Variants in LMTK2 observed in about 807,000 individuals in gnomAD.
LMTK2 encodes lemur tail kinase 2, also known as serine/threonine-protein kinase LMTK2.
A neutral mutation model predicts 127.5 loss-of-function variants in LMTK2; 37 were observed. The observed-to-expected ratio is 0.29, with a 90% confidence interval of 0.22 to 0.38. LMTK2 has a LOEUF of 0.38. Ranked by LOEUF, LMTK2 falls within the 10% of genes least tolerant of loss-of-function variation. LMTK2 has a pLI of 1.00. For missense variants in LMTK2, 1,694 were observed against 1,920.3 expected (o/e 0.88, Z 2.20); for synonymous variants, 819 against 810.1 (o/e 1.01, Z -0.19).
chr7:98,169,579 A>G (rs995365563), intron 6 of LMTK2, among the ~76,000 whole-genome samples: 1 of 152,230 alleles, frequency 6.6e-6, no homozygotes, highest in Non-Finnish European at 1.5e-5. Context: ...GGGGTTAGGC[A>G]GAAGAATTTC....
In LMTK2 at chr7:98,192,644, C is replaced by G. The variant is rs1224797102; in HGVS notation, c.2179C>G (p.Gln727Glu). 6.2e-7 allele frequency: 1 copy of G among 1,611,098 alleles called. No individual in the cohort carries two copies. Residue 727 changes from glutamine (Q) to glutamate (E), a missense_variant, in exon 11 of 14, where the codon CAA (glutamine) becomes GAA (glutamate). Physicochemically the swap from Gln to Glu is conservative, Grantham distance 29. Transcript: ENST00000297293. Reference sequence around the variant, plus strand: ...ATTGTCAGAAAACTTTTTATTTCTTCAAGAGAAAAACTTACTAAAAGGCTC... The same window carrying G: ...ATTGTCAGAAAACTTTTTATTTCTTGAAGAGAAAAACTTACTAAAAGGCTC... ...QELSENFLFL[Q>E]EKNLLKGSLS...
At chr7:98,122,821 A>G (rs796452957) in intron 1 of LMTK2, among the ~76,000 whole-genome samples, 12 of 151,886 alleles carry the variant, frequency 7.9e-5, no homozygotes, top group African/African-American at 2.9e-4. Flanking sequence ...CCTGGCCTGC[A>G]TAACACTTTT....
chr7:98,156,625 AAGTTATATATTAGCATT>A (rs1014765033), intron 5 of LMTK2, among the ~76,000 whole-genome samples: 7 of 152,252 alleles, frequency 4.6e-5, no homozygotes, highest in East Asian at 3.8e-4. Context: ...AACATACGTT[AAGTTATATATTAGCATT>A]AGTTATATAT....
intron 1 of LMTK2, among the ~76,000 whole-genome samples, chr7:98,130,889 G>A (rs952971203): frequency 2.0e-5 from 3 of 152,198 alleles, no homozygotes; most frequent in East Asian, 3.8e-4. Flanking sequence ...GCCCTAGCAC[G>A]TTAATGGCCA....
rs73710384 is a variant in LMTK2 at position 98,180,947 on chromosome 7, G to C, written c.792-4104G>C. Among the ~76,000 whole-genome samples the C allele has an allele frequency of 3.4e-3, 525 of 152,266 alleles. 7 individuals are homozygous for C. The highest frequency in any genetic ancestry group is 0.012 in the African/African-American group (502 of 41,554). Reference sequence around the variant, plus strand: ...AGCGCCCGGCAGACTGAGGGAGAGAGAGAGAGAAAGAGGAGGGGAGGAGGA... The same window carrying C: ...AGCGCCCGGCAGACTGAGGGAGAGACAGAGAGAAAGAGGAGGGGAGGAGGA... On this transcript the variant is annotated intron_variant, in intron 7 of 13. Coordinates refer to ENST00000297293, the MANE Select transcript of LMTK2 (RefSeq NM_014916.4).
Position 98,205,535 on chromosome 7 carries a change from G to A in LMTK2, c.*43G>A. ...CGCTCGGGTCCGAGGCTGCTCCCCT[G>A]GAGCGGCGCCCCTGCGCCCTCAGCC... On this transcript the variant is annotated 3_prime_UTR_variant, in exon 14 of 14. Transcript: ENST00000297293. 1 of 1,607,110 alleles carries A rather than the reference G, an allele frequency of 6.2e-7. No homozygotes were observed. The highest frequency in any genetic ancestry group is 8.5e-7 in the Non-Finnish European group (1 of 1,177,886).
chr7:98,107,324 G>T (rs1796124408), intron 1 of LMTK2, 44 bp downstream of exon 1: 3 of 1,241,876 alleles, frequency 2.4e-6, no homozygotes, highest in East Asian at 6.4e-5. Context: ...GGTCTTCGGC[G>T]TGGAGGGGAG....
chr7:98,195,916 G>A (rs1797616298), intron 11 of LMTK2, among the ~76,000 whole-genome samples: 1 of 152,204 alleles, frequency 6.6e-6, no homozygotes, highest in Admixed American at 6.5e-5. Context: ...AAGGCCAGGC[G>A]CGGTGGCTTA....
Position 98,107,222 on chromosome 7 carries a change from GC to G in LMTK2, c.46del (p.Leu16TrpfsTer4). ...TGCGGCGGAGGCTGCTGCTGCTGCTGCTGGTCCTCCTGATCGCCGGCAGTGC... is the reference window on the plus strand; with the variant it reads ...TGCGGCGGAGGCTGCTGCTGCTGCTGTGGTCCTCCTGATCGCCGGCAGTGC... ...ALRRRLLLLL[L>X]VLLIAGSAGA... On this transcript the variant is annotated frameshift_variant, in exon 1 of 14. Coordinates refer to ENST00000297293, the MANE Select transcript of LMTK2 (RefSeq NM_014916.4). LOFTEE classifies it high-confidence loss of function. 2.7e-6 allele frequency: 4 copies of G among 1,464,662 alleles called. No individual in the cohort carries two copies. Among genetic ancestry groups the G allele is most frequent in the Admixed American group, 2.5e-5 (1 of 40,186 alleles). The allele number at this position is 1,464,662 out of a possible 1,614,324, so 90.7% of individuals were successfully genotyped here. A position where few individuals can be genotyped will look rare whatever the true frequency, so the allele number is the denominator to read the frequency against.
intron 1 of LMTK2, among the ~76,000 whole-genome samples, chr7:98,128,870 T>A (rs528847258): frequency 6.6e-6 from 1 of 152,152 alleles, no homozygotes; most frequent in Non-Finnish European, 1.5e-5. Flanking sequence ...TTTGAGATAA[T>A]GTATTTCTTA....
chr7:98,186,001 G>A lies in LMTK2; in HGVS notation c.876+866G>A, dbSNP rs576183528. Among the ~76,000 whole-genome samples, 5 of 151,878 alleles carry A rather than the reference G, an allele frequency of 3.3e-5. No individual in the cohort carries two copies. In the South Asian group the frequency reaches 1.0e-3, roughly 32 times the overall value. On this transcript the variant is annotated intron_variant, in intron 8 of 13. Coordinates refer to ENST00000297293, the MANE Select transcript of LMTK2 (RefSeq NM_014916.4). The stretch of plus-strand genomic sequence containing the variant: ...GTTATTTGTCTACATAGTAGCTCTA[G>A]TGTCTCGAGCACTTGCTAGATGTCA...
rs1298762621 is a variant in LMTK2 at position 98,107,070 on chromosome 7, G to A, written c.-108G>A. 3 of 820,972 alleles carry A rather than the reference G, an allele frequency of 3.7e-6. No individual in the cohort carries two copies. The highest frequency in any genetic ancestry group is 1.8e-5 in the African/African-American group (1 of 55,288). The allele number at this position is 820,972 out of a possible 1,614,324, so 50.9% of individuals were successfully genotyped here. On this transcript the variant is annotated 5_prime_UTR_variant, in exon 1 of 14. Transcript: ENST00000297293. ...CAACGTGTGCTCGGGAGCAACCGGC[G>A]CGGGTGCCACTGAGGCAGCGGAGGG...
In LMTK2 at chr7:98,171,439, T is replaced by C; in HGVS notation, c.658-102T>C. 1 of 1,471,844 alleles carries C rather than the reference T, an allele frequency of 6.8e-7. No individual in the cohort carries two copies. The highest frequency in any genetic ancestry group is 9.5e-7 in the Non-Finnish European group (1 of 1,053,716). The allele number at this position is 1,471,844 out of a possible 1,614,324, so 91.2% of individuals were successfully genotyped here. On this transcript the variant is annotated intron_variant, in intron 6 of 13. Coordinates refer to ENST00000297293, the MANE Select transcript of LMTK2 (RefSeq NM_014916.4). The surrounding 1 kb of genome is among the most constrained non-coding windows in gnomAD (Gnocchi z 5.1). ...TTTAAGTATGAACAAAAGAAGTTTC[T>C]AATAAATAATCTTAACAGTTAGTGT... is the stretch of plus-strand genomic sequence containing the variant.
chr7:98,142,886 C>T (rs1796719502), intron 3 of LMTK2, among the ~76,000 whole-genome samples: 1 of 152,208 alleles, frequency 6.6e-6, no homozygotes, highest in Non-Finnish European at 1.5e-5. Flanking sequence ...AGGTTGGCTG[C>T]CAGCAGCTCC....
intron 1 of LMTK2, among the ~76,000 whole-genome samples, chr7:98,113,057 T>G (rs971029258): frequency 2.6e-5 from 4 of 152,094 alleles, no homozygotes. Flanking sequence ...GCCCACTTTA[T>G]TTTTTTGTAG....
At chr7:98,139,192 G>A (rs541003798) in intron 2 of LMTK2, among the ~76,000 whole-genome samples, 1 of 152,190 alleles carries the variant, frequency 6.6e-6, no homozygotes, top group Non-Finnish European at 1.5e-5. Context: ...CTTCACTACA[G>A]CCTCAACCTC....
Position 98,205,504 on chromosome 7 carries a change from C to T in LMTK2, c.*12C>T. 3.7e-6 allele frequency: 6 copies of T among 1,612,308 alleles called. No homozygotes were observed. Among genetic ancestry groups the T allele is most frequent in the Non-Finnish European group, 5.1e-6 (6 of 1,179,958 alleles). On this transcript the variant is annotated 3_prime_UTR_variant, in exon 14 of 14. Coordinates refer to ENST00000297293, the MANE Select transcript of LMTK2 (RefSeq NM_014916.4). ...GAGAAAAGGACTAGGTGGCTGCCAACGCGCACGCTCGGGTCCGAGGCTGCT... is the reference window on the plus strand; with the variant it reads ...GAGAAAAGGACTAGGTGGCTGCCAATGCGCACGCTCGGGTCCGAGGCTGCT...
At chr7:98,151,319 T>G in intron 3 of LMTK2, 63 bp from the exon 4 acceptor site, 2 of 1,106,186 alleles carry the variant, frequency 1.8e-6, no homozygotes, top group Admixed American at 4.3e-5. Flanking sequence ...GTTCATACTT[T>G]ATAGGTTATA....
rs925344535 is a variant in LMTK2, at chr7:98,118,216, T to G, written c.103+10936T>G. On this transcript the variant is annotated intron_variant, in intron 1 of 13. Transcript: ENST00000297293. ...ATTCTAAATACCATGTTTGTGGTAC[T>G]AACTGCATTATAATGATATTGGCAG... Among the ~76,000 whole-genome samples, 4 of 152,240 alleles carry G rather than the reference T, an allele frequency of 2.6e-5. No homozygotes were observed. The East Asian group carries it at 7.7e-4, about 29-fold the overall frequency.
Sources: gnomAD v4.1 joint callset for allele counts (sites outside exome capture counted in the v4.1 genomes callset) on GRCh38, gnomAD v4.1.1 for gene constraint, Gnocchi (gnomAD v3.1) non-coding constraint, MANE v1.5 for transcripts, NCBI Gene and HGNC (gene_info 2026-07-23, HGNC 2026-07-21) for gene names.